The following CSNK2A2IP variants were observed in gnomAD, a reference collection of about 807,000 sequenced individuals.
The protein encoded by CSNK2A2IP is casein kinase II subunit alpha'-interacting protein.
At chr3:88,348,397 AAC>A in the CSNK2A2IP span, among the ~76,000 whole-genome samples, 4 of 152,056 alleles carry the variant, frequency 2.6e-5, no homozygotes, top group African/African-American at 7.2e-5. Context: ...GGTATCAGTG[AAC>A]ACAGTGTATT....
At chr3:88,467,024 T>A in the CSNK2A2IP span, 1 of 1,164,136 alleles carries the variant, frequency 8.6e-7, no homozygotes, top group African/African-American at 1.6e-5. Flanking sequence ...GTAGAGAAGA[T>A]ACAGCAGTTT....
At chr3:88,456,992 T>C in the CSNK2A2IP span, among the ~76,000 whole-genome samples, 5 of 152,228 alleles carry the variant, frequency 3.3e-5, no homozygotes, top group East Asian at 9.6e-4. Flanking sequence ...TATATTAACA[T>C]CTAAACATCT....
At chr3:88,418,024 T>G in the CSNK2A2IP span, among the ~76,000 whole-genome samples, 1 of 152,206 alleles carries the variant, frequency 6.6e-6, no homozygotes, top group Admixed American at 6.5e-5. Flanking sequence ...ATACTGTATA[T>G]GATTTGAGTA....
the CSNK2A2IP span, among the ~76,000 whole-genome samples, chr3:88,442,580 CCAAA>C: frequency 5.9e-5 from 9 of 151,910 alleles, no homozygotes; most frequent in Admixed American, 3.3e-4. Flanking sequence ...GAACATTATA[CCAAA>C]CACTTTATTT....
chr3:88,419,868 TC>T, the CSNK2A2IP span, among the ~76,000 whole-genome samples: 2 of 152,310 alleles, frequency 1.3e-5, no homozygotes, highest in Non-Finnish European at 1.5e-5. Context: ...GTCAAGCCAG[TC>T]CTTTGAAAGT....
chr3:88,352,960 C>T, the CSNK2A2IP span, among the ~76,000 whole-genome samples: 1 of 152,232 alleles, frequency 6.6e-6, no homozygotes, highest in East Asian at 1.9e-4. Context: ...CTAATAAATT[C>T]TACCAGCTTA....
the CSNK2A2IP span, chr3:88,465,772 T>A: frequency 8.1e-7 from 1 of 1,231,632 alleles, no homozygotes; most frequent in Non-Finnish European, 1.0e-6. Flanking sequence ...CAACATGACA[T>A]CATCACTGGA....
the CSNK2A2IP span, among the ~76,000 whole-genome samples, chr3:88,387,247 C>T: frequency 5.3e-5 from 8 of 151,382 alleles, no homozygotes; most frequent in South Asian, 2.1e-4. Flanking sequence ...TTGCAGCCTC[C>T]GCCTCCTGGG....
the CSNK2A2IP span, among the ~76,000 whole-genome samples, chr3:88,407,171 G>A: frequency 6.6e-6 from 1 of 151,926 alleles, no homozygotes; most frequent in South Asian, 2.1e-4. Flanking sequence ...GACTCTTTGC[G>A]GATTTGGGGG....
the CSNK2A2IP span, among the ~76,000 whole-genome samples, chr3:88,372,040 G>T: frequency 6.6e-6 from 1 of 151,588 alleles, no homozygotes; most frequent in African/African-American, 2.4e-5. Context: ...AGACCTTCAG[G>T]CTGAAAAGTA....
At chr3:88,437,582 T>C in the CSNK2A2IP span, among the ~76,000 whole-genome samples, 2 of 152,252 alleles carry the variant, frequency 1.3e-5, no homozygotes, top group Admixed American at 6.5e-5. Flanking sequence ...TGCTATATAT[T>C]TGTAAAAAAT....
the CSNK2A2IP span, among the ~76,000 whole-genome samples, chr3:88,425,420 G>A: frequency 3.9e-5 from 6 of 151,966 alleles, no homozygotes; most frequent in Admixed American, 3.3e-4. Flanking sequence ...ATCAGTTTTA[G>A]TTAACATGTT....
the CSNK2A2IP span, among the ~76,000 whole-genome samples, chr3:88,388,242 T>A: frequency 6.6e-6 from 1 of 152,222 alleles, no homozygotes; most frequent in Non-Finnish European, 1.5e-5. Context: ...ACTCACATAC[T>A]ATTATTGTCT....
chr3:88,462,559 T>C, the CSNK2A2IP span, among the ~76,000 whole-genome samples: 559 of 152,256 alleles, frequency 3.7e-3, 2 homozygotes, highest in African/African-American at 0.012. Context: ...ACTATAATTA[T>C]ACAGTCTAGA....
the CSNK2A2IP span, among the ~76,000 whole-genome samples, chr3:88,343,829 T>C: frequency 6.6e-6 from 1 of 151,934 alleles, no homozygotes; most frequent in Non-Finnish European, 1.5e-5. Flanking sequence ...TAGTGCAATG[T>C]GCTCTTCAAA....
chr3:88,435,908 ATTATATATATAAT>A, the CSNK2A2IP span, among the ~76,000 whole-genome samples: 1 of 115,552 alleles, frequency 8.7e-6, no homozygotes, highest in Admixed American at 8.1e-5. Context: ...TTATGTGTGC[ATTATATATATAAT>A]GCACATTATG....
At chr3:88,354,186 G>A in the CSNK2A2IP span, among the ~76,000 whole-genome samples, 28 of 152,112 alleles carry the variant, frequency 1.8e-4, no homozygotes, top group African/African-American at 3.9e-4. Context: ...GCAGAACTGC[G>A]AACTAAATAA....
At chr3:88,356,116 GT>G in the CSNK2A2IP span, among the ~76,000 whole-genome samples, 6 of 151,940 alleles carry the variant, frequency 3.9e-5, no homozygotes, top group African/African-American at 1.5e-4. Context: ...CACTCTTTTA[GT>G]TACTTTGAAA....
chr3:88,384,733 A>G, the CSNK2A2IP span, among the ~76,000 whole-genome samples: 1 of 152,164 alleles, frequency 6.6e-6, no homozygotes, highest in South Asian at 2.1e-4. Flanking sequence ...CAAGATAGAG[A>G]CATGCTATTT....
Sources: allele counts gnomAD v4.1 joint callset (sites outside exome capture counted in the v4.1 genomes callset), GRCh38; gene constraint gnomAD v4.1.1; transcripts MANE v1.5; gene names NCBI Gene and HGNC (gene_info 2026-07-23, HGNC 2026-07-21).